Variants in NDUFB10 observed in about 807,000 individuals in gnomAD.
The protein encoded by NDUFB10 is NADH dehydrogenase [ubiquinone] 1 beta subcomplex subunit 10.
NDUFB10 carries 23 observed loss-of-function variants against 19.0 expected under a neutral mutation model. That is an observed-to-expected ratio of 1.21 (90% CI 0.87 to 1.71). The LOEUF (loss-of-function observed/expected upper bound fraction) is 1.71, where lower values mean the gene tolerates loss of function less well. Ranked by LOEUF, NDUFB10 falls within the 40% of genes most tolerant of loss-of-function variation. The probability of loss-of-function intolerance (pLI) is 0.00; values close to 1 mark genes in which losing one functional copy is unlikely to be tolerated. For missense variants in NDUFB10, 312 were observed against 230.6 expected (o/e 1.35, Z -2.29); for synonymous variants, 104 against 81.8 (o/e 1.27, Z -1.46).
Position 1,960,102 on chromosome 16 carries a change from G to A in NDUFB10, c.130+348G>A, listed in dbSNP as rs529001269. On this transcript the variant is annotated intron_variant, in intron 1 of 3. Coordinates refer to ENST00000268668, the MANE Select transcript of NDUFB10 (RefSeq NM_004548.3). Reference sequence around the variant, plus strand: ...GCCCCGGGCACCCCTCCACTGCACCGCTGGCCTCAGGCCTCTCTCAAATGT... The same window carrying A: ...GCCCCGGGCACCCCTCCACTGCACCACTGGCCTCAGGCCTCTCTCAAATGT... 1.0e-3 allele frequency among the ~76,000 whole-genome samples: 159 copies of A among 152,170 alleles called. No homozygotes were observed. In the South Asian group the frequency reaches 0.015, roughly 15 times the overall value.
intron 2 of NDUFB10, 43 bp from the exon 3 acceptor site, chr16:1,961,454 G>A: frequency 6.2e-7 from 1 of 1,609,968 alleles, no homozygotes; most frequent in Non-Finnish European, 8.5e-7. Flanking sequence ...TACAGGAAAA[G>A]GATTCCTTGT....
rs969679826 is a variant in NDUFB10, at chr16:1,959,543, G to T, written c.-82G>T. 1.3e-5 allele frequency: 19 copies of T among 1,480,396 alleles called. No individual in the cohort carries two copies. In the African/African-American group the frequency reaches 2.4e-4, roughly 19 times the overall value. The allele number at this position is 1,480,396 out of a possible 1,614,324, so 91.7% of individuals were successfully genotyped here. ...AGCCGCCCTCGGCGTCCTCTGTAGC[G>T]GGCGACCTAGGCCGCGGGACCCGGA... On this transcript the variant is annotated 5_prime_UTR_variant, in exon 1 of 4. Transcript: ENST00000268668.
chr16:1,960,670 A>C (rs985911947), intron 1 of NDUFB10, among the ~76,000 whole-genome samples: 1 of 152,232 alleles, frequency 6.6e-6, no homozygotes, highest in Non-Finnish European at 1.5e-5. Context: ...GTTGTAGAGC[A>C]TGTCTGTCCT....
In NDUFB10 at chr16:1,961,034, AACGCTGGAAC is replaced by A. The variant is rs1259961001; in HGVS notation, c.131-116_131-107del. On this transcript the variant is annotated intron_variant, in intron 1 of 3. Transcript: ENST00000268668. Reference sequence around the variant, plus strand: ...TAGAGAGACGAATTGCTGTTTTCTAAACGCTGGAACACTCAGGAAGTTCTCCTCTCTCCCC... The same window carrying A: ...TAGAGAGACGAATTGCTGTTTTCTAAACTCAGGAAGTTCTCCTCTCTCCCC... The A allele has an allele frequency of 3.0e-5, 39 of 1,279,564 alleles. 1 individual carries two copies. The African/African-American group carries it at 5.3e-4, about 17-fold the overall frequency. The allele number at this position is 1,279,564 out of a possible 1,614,324, so 79.3% of individuals were successfully genotyped here.
chr16:1,961,391 G>T, intron 2 of NDUFB10, 100 bp downstream of exon 2: 2 of 1,594,496 alleles, frequency 1.3e-6, no homozygotes, highest in African/African-American at 1.3e-5. Context: ...TTTTAGGGGT[G>T]ACATGGGAGG....
Position 1,961,851 on chromosome 16 carries a change from A to T in NDUFB10, c.464A>T (p.Gln155Leu). 1 of 1,565,452 alleles carries T rather than the reference A, an allele frequency of 6.4e-7. No individual in the cohort carries two copies. The highest frequency in any genetic ancestry group is 8.7e-7 in the Non-Finnish European group (1 of 1,154,472). Residue 155 changes from glutamine (Q) to leucine (L), a missense_variant, in exon 4 of 4, where the codon CAG becomes CTG. Coordinates refer to ENST00000268668, the MANE Select transcript of NDUFB10 (RefSeq NM_004548.3). ...SARKCLAKQR[Q>L]RMLQERKAAK... ...AGGAAGTGCCTGGCCAAACAGAGGC[A>T]GAGGATGCTGCAAGAGAGAAAAGCT...
In NDUFB10 at chr16:1,959,631, G is replaced by A; in HGVS notation, c.7G>A (p.Asp3Asn). 6.2e-7 allele frequency: 1 copy of A among 1,609,182 alleles called. No homozygotes were observed. The highest frequency in any genetic ancestry group is 1.1e-5 in the South Asian group (1 of 90,778). Residue 3 changes from aspartate to asparagine, a missense_variant, in exon 1 of 4, where the codon GAC (aspartate) becomes AAC (asparagine). By Grantham distance (23) the Asp-to-Asn change is conservative. Coordinates refer to ENST00000268668, the MANE Select transcript of NDUFB10 (RefSeq NM_004548.3). MPDSWDKDVYPEP... is the reference protein window; with the variant it reads MPNSWDKDVYPEP... ...GTCCGCGCCCGCCGCCGCCATGCCG[G>A]ACAGCTGGGACAAGGATGTGTACCC...
At chr16:1,961,073 A>C (rs112654116) in intron 1 of NDUFB10, 80 bp from the exon 2 acceptor site, 4 of 1,536,402 alleles carry the variant, frequency 2.6e-6, no homozygotes, top group African/African-American at 1.4e-5. Context: ...TCTCCCCTCC[A>C]AAGGGCTTAT....
At position 1,961,867 on chromosome 16, in the gene NDUFB10, GAGAA is replaced by G. The variant is rs1410162599; in HGVS notation, c.482_485del (p.Arg161LysfsTer30). Reference sequence around the variant, plus strand: ...AACAGAGGCAGAGGATGCTGCAAGAGAGAAAAGCTGCAAAAGAGGCCGCCGCTGC... The same window carrying G: ...AACAGAGGCAGAGGATGCTGCAAGAGAAGCTGCAAAAGAGGCCGCCGCTGC... On this transcript the variant is annotated frameshift_variant, in exon 4 of 4. Transcript: ENST00000268668. LOFTEE classifies it high-confidence loss of function. The G allele has an allele frequency of 1.3e-6, 2 of 1,565,674 alleles. No individual in the cohort carries two copies. The highest frequency in any genetic ancestry group is 2.7e-5 in the African/African-American group (2 of 73,950).
intron 2 of NDUFB10, 59 bp from the exon 3 acceptor site, chr16:1,961,438 A>G: frequency 6.2e-7 from 1 of 1,602,526 alleles, no homozygotes; most frequent in Non-Finnish European, 8.5e-7. Flanking sequence ...AATTGTTCTC[A>G]CAGGGTACAG....
At chr16:1,961,324 G>C in intron 2 of NDUFB10, 33 bp downstream of exon 2, 1 of 1,611,532 alleles carries the variant, frequency 6.2e-7, no homozygotes, top group Non-Finnish European at 8.5e-7. Context: ...GTGGAGATCT[G>C]CACCGTGTGC....
chr16:1,961,862 C>T lies in NDUFB10; in HGVS notation c.475C>T (p.Gln159Ter). 1 of 1,565,866 alleles carries T rather than the reference C, an allele frequency of 6.4e-7. No individual in the cohort carries two copies. Among genetic ancestry groups the T allele is most frequent in the African/African-American group, 1.3e-5 (1 of 74,076 alleles). ...GGCCAAACAGAGGCAGAGGATGCTG[C>T]AAGAGAGAAAAGCTGCAAAAGAGGC... Reference protein sequence around the residue: ...CLAKQRQRMLQERKAAKEAAA... With the variant: ...CLAKQRQRML Residue 159 changes from glutamine to a stop codon, truncating the protein, a stop_gained, in exon 4 of 4, where the codon CAA (glutamine) becomes TAA (stop). Coordinates refer to ENST00000268668, the MANE Select transcript of NDUFB10 (RefSeq NM_004548.3). LOFTEE classifies it high-confidence loss of function.
Position 1,959,703 on chromosome 16 carries a change from A to G in NDUFB10, c.79A>G (p.Met27Val), listed in dbSNP as rs760152803. The G allele has an allele frequency of 5.3e-5, 85 of 1,613,346 alleles. 1 individual carries two copies. The highest frequency in any genetic ancestry group is 7.0e-5 in the Non-Finnish European group (82 of 1,179,730). Residue 27 changes from methionine (M) to valine (V), a missense_variant, in exon 1 of 4, where the codon ATG becomes GTG. By Grantham distance (21) the Met-to-Val change is conservative. Transcript: ENST00000268668. ...TPVQPNPIVY[M>V]MKAFDLIVDR... ...GGTGCAGCCCAATCCCATCGTCTAC[A>G]TGATGAAAGCGTTCGACCTCATCGT... is the stretch of plus-strand genomic sequence containing the variant.
At chr16:1,961,130 A>G in intron 1 of NDUFB10, 23 bp from the exon 2 acceptor site, 8 of 1,612,782 alleles carry the variant, frequency 5.0e-6, no homozygotes, top group Non-Finnish European at 6.8e-6. Context: ...GAGGCATTTG[A>G]GTCTGTGGCT....
intron 1 of NDUFB10, 112 bp downstream of exon 1, chr16:1,959,866 C>CT: frequency 6.3e-6 from 9 of 1,426,284 alleles, no homozygotes; most frequent in Non-Finnish European, 7.7e-6. Context: ...AGACCGCCCC[C>CT]CGCTGCACCC....
chr16:1,961,733 G>T (rs1362767104), intron 3 of NDUFB10, 64 bp from the exon 4 acceptor site: 1 of 1,527,194 alleles, frequency 6.5e-7, no homozygotes, highest in East Asian at 2.5e-5. Flanking sequence ...GTGCTCACTT[G>T]ACTTTGCCCC....
chr16:1,959,944 C>A (rs338790), intron 1 of NDUFB10, among the ~76,000 whole-genome samples, 190 bp downstream of exon 1: 22,547 of 151,696 alleles, frequency 0.15, 1,878 homozygotes, highest in South Asian at 0.29. Flanking sequence ...CACTGCACCC[C>A]GGACCTCACC....
chr16:1,961,571 A>G lies in NDUFB10; in HGVS notation c.344A>G (p.Tyr115Cys). ...TGTCAGCAGAGGGAAGGACAGAACT[A>G]CCAGCAGAACTGTATCAAGGAAGTG... The part of the protein sequence containing the change: ...KACQQREGQN[Y>C]QQNCIKEVEQ... The change falls in exon 3 of 4, where the codon TAC (tyrosine) becomes TGC (cysteine). Residue 115 changes from tyrosine to cysteine, a missense_variant. Tyr to Cys is a radical substitution (Grantham distance 194, BLOSUM62 -2). Coordinates refer to ENST00000268668, the MANE Select transcript of NDUFB10 (RefSeq NM_004548.3). 1 of 1,614,080 alleles carries G rather than the reference A, an allele frequency of 6.2e-7. No individual in the cohort carries two copies. The highest frequency in any genetic ancestry group is 8.5e-7 in the Non-Finnish European group (1 of 1,180,018).
chr16:1,960,225 G>GTTTGT (rs1337855686), intron 1 of NDUFB10, among the ~76,000 whole-genome samples: 8 of 146,804 alleles, frequency 5.4e-5, no homozygotes, highest in Admixed American at 5.4e-4. Context: ...AGTTTTTGTT[G>GTTTGT]TTTTTTTTTT....
Sources: allele counts gnomAD v4.1 joint callset (sites outside exome capture counted in the v4.1 genomes callset), GRCh38; gene constraint gnomAD v4.1.1; transcripts MANE v1.5; gene names NCBI Gene and HGNC (gene_info 2026-07-23, HGNC 2026-07-21).